The following CLCN6 variants were observed in gnomAD, a reference collection of about 807,000 sequenced individuals.
The protein encoded by CLCN6 is Cl-/H+ antiporter 6.
CLCN6 carries 70 observed loss-of-function variants against 109.8 expected under a neutral mutation model. That is an observed-to-expected ratio of 0.64 (90% CI 0.53 to 0.78). CLCN6 has a LOEUF of 0.78. Among genes scored for constraint, CLCN6 ranks in the 30% least tolerant of loss-of-function variants. CLCN6 has a pLI of 0.00. For missense variants in CLCN6, 984 were observed against 1,142.3 expected (o/e 0.86, Z 2.00); for synonymous variants, 444 against 447.8 (o/e 0.99, Z 0.11).
chr1:11,822,110 AT>A (rs1644751883), intron 5 of CLCN6, among the ~76,000 whole-genome samples: 1 of 152,152 alleles, frequency 6.6e-6, no homozygotes, highest in Non-Finnish European at 1.5e-5. Context: ...GTTTCTTAAA[AT>A]GGTACTGAAT....
At chr1:11,813,352 T>G (rs1364292189) in intron 2 of CLCN6, among the ~76,000 whole-genome samples, 1 of 152,192 alleles carries the variant, frequency 6.6e-6, no homozygotes, top group African/African-American at 2.4e-5. Context: ...CTAAAAGTAC[T>G]TTTTTCATCA....
intron 1 of CLCN6, 189 bp downstream of exon 1, chr1:11,806,538 C>T (rs45498791): frequency 2.0e-6 from 1 of 488,612 alleles, no homozygotes; most frequent in Non-Finnish European, 3.6e-6. Flanking sequence ...TTTCTCATAA[C>T]CCCTCCTGGA....
chr1:11,830,593 C>A (rs1570534869), intron 13 of CLCN6, among the ~76,000 whole-genome samples: 1 of 151,686 alleles, frequency 6.6e-6, no homozygotes, highest in East Asian at 1.9e-4. Context: ...CATCGGGATC[C>A]TGGACCCTAT....
intron 3 of CLCN6, among the ~76,000 whole-genome samples, chr1:11,816,237 T>C (rs1644669988): frequency 6.6e-6 from 1 of 152,238 alleles, no homozygotes; most frequent in African/African-American, 2.4e-5. Flanking sequence ...ACACACTTTA[T>C]AGACCTCAGT....
Position 11,836,986 on chromosome 1 carries a change from TC to T in CLCN6, c.1981-9del, listed in dbSNP as rs2100658228. 2 of 1,606,466 alleles carry T rather than the reference TC, an allele frequency of 1.2e-6. No homozygotes were observed. ...TGCCCATGCGCAGTAGCCTGTGGCCTCCCCACCCACAGAAATCCAGCATCCT... is the reference window on the plus strand; with the variant it reads ...TGCCCATGCGCAGTAGCCTGTGGCCTCCCACCCACAGAAATCCAGCATCCT... On this transcript the variant is annotated splice_polypyrimidine_tract_variant and intron_variant, in intron 18 of 22. Transcript: ENST00000346436.
At chr1:11,835,137 T>G (rs1644928428) in intron 17 of CLCN6, among the ~76,000 whole-genome samples, 1 of 152,236 alleles carries the variant, frequency 6.6e-6, no homozygotes, top group African/African-American at 2.4e-5. Context: ...CTTTCCGGGC[T>G]GTATGGTCTC....
At chr1:11,820,544 A>G in intron 5 of CLCN6, 1 of 556,078 alleles carries the variant, frequency 1.8e-6, no homozygotes, top group Non-Finnish European at 3.3e-6. Flanking sequence ...AGGCAGGCGG[A>G]TCACAAGGTC....
At chr1:11,814,302 G>A (rs1644641122) in intron 2 of CLCN6, among the ~76,000 whole-genome samples, 1 of 149,956 alleles carries the variant, frequency 6.7e-6, no homozygotes, top group Non-Finnish European at 1.5e-5. Flanking sequence ...CTGGAGTGCA[G>A]TGGCATGATC....
Position 11,815,903 on chromosome 1 carries a change from G to A in CLCN6, c.205G>A (p.Asp69Asn). ...DPYLEVLETM[D>N]NKKGRRYEAV... ...TTACCTGGAAGTTTTGGAGACCATG[G>A]ATAATAAGGTGGGTCTTACAATTCT... Residue 69 changes from aspartate to asparagine, a missense_variant, in exon 3 of 23, where the codon GAT becomes AAT. Transcript: ENST00000346436. 1.2e-6 allele frequency: 2 copies of A among 1,611,124 alleles called. No homozygotes were observed. Among genetic ancestry groups the A allele is most frequent in the Non-Finnish European group, 1.7e-6 (2 of 1,177,206 alleles).
chr1:11,836,069 C>T lies in CLCN6; in HGVS notation c.1896C>T (p.Ala632=). Reference sequence around the variant, plus strand: ...TCCTGCGCACCACGGTCCACCATGCCTTCCCGGTGGTCACAGAGAACCGCG... The same window carrying T: ...TCCTGCGCACCACGGTCCACCATGCTTTCCCGGTGGTCACAGAGAACCGCG... ...VSILRTTVHH[A]FPVVTENRGN... The change falls in exon 18 of 23, where the codon GCC becomes GCT. Residue 632 remains alanine, a synonymous_variant. Coordinates refer to ENST00000346436, the MANE Select transcript of CLCN6 (RefSeq NM_001286.5). 1 of 1,614,114 alleles carries T rather than the reference C, an allele frequency of 6.2e-7. No individual in the cohort carries two copies. The highest frequency in any genetic ancestry group is 8.5e-7 in the Non-Finnish European group (1 of 1,180,000).
chr1:11,808,136 T>C (rs1381131310), intron 2 of CLCN6, among the ~76,000 whole-genome samples: 1 of 152,174 alleles, frequency 6.6e-6, no homozygotes, highest in African/African-American at 2.4e-5. Flanking sequence ...CCACAGTGAT[T>C]TAGCTCAAGC....
chr1:11,807,455 T>C (rs1487000727), intron 2 of CLCN6, among the ~76,000 whole-genome samples: 1 of 152,242 alleles, frequency 6.6e-6, no homozygotes, highest in Non-Finnish European at 1.5e-5. Flanking sequence ...TTAAACTGTT[T>C]GCTTTTACAG....
intron 13 of CLCN6, among the ~76,000 whole-genome samples, chr1:11,832,718 C>T (rs959924288): frequency 6.6e-6 from 1 of 152,198 alleles, no homozygotes; most frequent in Admixed American, 6.5e-5. Context: ...TAATAAGACT[C>T]CCTATTTGCA....
chr1:11,830,589 G>T (rs1644866431), intron 13 of CLCN6, among the ~76,000 whole-genome samples: 1 of 151,534 alleles, frequency 6.6e-6, no homozygotes, highest in African/African-American at 2.4e-5. Context: ...TATCCATCGG[G>T]ATCCTGGACC....
intron 2 of CLCN6, among the ~76,000 whole-genome samples, chr1:11,814,065 T>G (rs1253069492): frequency 6.6e-6 from 1 of 152,092 alleles, no homozygotes; most frequent in East Asian, 1.9e-4. Context: ...TTGGACTAAC[T>G]CTAGGTAGTC....
At chr1:11,809,197 T>C (rs1644564795) in intron 2 of CLCN6, among the ~76,000 whole-genome samples, 1 of 152,138 alleles carries the variant, frequency 6.6e-6, no homozygotes, top group South Asian at 2.1e-4. Context: ...TTCTTGTACA[T>C]AGTTGAGAAG....
At chr1:11,819,375 C>A in intron 4 of CLCN6, 113 bp from the exon 5 acceptor site, 1 of 923,940 alleles carries the variant, frequency 1.1e-6, no homozygotes, top group Non-Finnish European at 1.8e-6. Flanking sequence ...GGCTGGTGAG[C>A]AGCCTCCGTA....
At chr1:11,836,855 G>C in intron 18 of CLCN6, 144 bp from the exon 19 acceptor site, 1 of 876,752 alleles carries the variant, frequency 1.1e-6, no homozygotes, top group Middle Eastern at 3.5e-4. Context: ...ACCAGCCTGA[G>C]CCACTCTTTT....
At chr1:11,839,098 C>G in intron 22 of CLCN6, 1 of 586,994 alleles carries the variant, frequency 1.7e-6, no homozygotes, top group Non-Finnish European at 3.0e-6. Context: ...TCATTATTTT[C>G]TTATTACACA....
Sources: gnomAD v4.1 joint callset for allele counts (sites outside exome capture counted in the v4.1 genomes callset) on GRCh38, gnomAD v4.1.1 for gene constraint, MANE v1.5 for transcripts, NCBI Gene and HGNC (gene_info 2026-07-23, HGNC 2026-07-21) for gene names.